SRGAP3: variants seen among roughly 807,000 people sequenced by gnomAD.
SRGAP3 encodes SLIT-ROBO Rho GTPase activating protein 3.
In SRGAP3, 39 loss-of-function variants were observed where a neutral mutation model predicts 121.1. That is an observed-to-expected ratio of 0.32 (90% CI 0.25 to 0.42). The LOEUF (loss-of-function observed/expected upper bound fraction) is 0.42, where lower values mean the gene tolerates loss of function less well. Ranked by LOEUF, SRGAP3 falls within the 10% of genes least tolerant of loss-of-function variation. SRGAP3 has a pLI of 1.00. For synonymous variants in SRGAP3, 601 were observed against 570.0 expected, an observed-to-expected ratio of 1.05 and a Z score of -0.77; for missense variants, 1,213 against 1,470.6, an observed-to-expected ratio of 0.82 and a Z score of 2.86.
intron 1 of SRGAP3, among the ~76,000 whole-genome samples, chr3:9,344,450 C>CA (rs1483744738): frequency 1.3e-5 from 2 of 151,134 alleles, no homozygotes; most frequent in African/African-American, 4.9e-5. Context: ...GACTCCGTCT[C>CA]AAAAAAAACC....
At chr3:9,308,231 C>T (rs898085636) in intron 3 of SRGAP3, among the ~76,000 whole-genome samples, 7 of 152,202 alleles carry the variant, frequency 4.6e-5, no homozygotes, top group Non-Finnish European at 2.9e-5. Context: ...GAAGCATGTT[C>T]ATGAACACAT....
chr3:9,262,534 C>CAAAAAAAAA (rs765408588), intron 3 of SRGAP3, among the ~76,000 whole-genome samples: 13 of 25,568 alleles, frequency 5.1e-4, no homozygotes, highest in East Asian at 1.1e-3. Context: ...AAATGGAAAG[C>CAAAAAAAAA]AAAAAAAAAA....
chr3:9,115,242 G>A (rs111682612), intron 2 of SRGAP3, among the ~76,000 whole-genome samples: 70 of 152,182 alleles, frequency 4.6e-4, no homozygotes, highest in Admixed American at 5.2e-4. Flanking sequence ...GATTTAAGCA[G>A]CTAAGGGCTG....
chr3:9,315,135 C>T (rs1199460842), intron 3 of SRGAP3, among the ~76,000 whole-genome samples: 1 of 152,190 alleles, frequency 6.6e-6, no homozygotes, highest in African/African-American at 2.4e-5. Context: ...TCCACCTCTC[C>T]AGTCTATCTT....
At chr3:9,282,048 TCCTA>T (rs1397663135) in intron 3 of SRGAP3, among the ~76,000 whole-genome samples, 1 of 152,226 alleles carries the variant, frequency 6.6e-6, no homozygotes, top group Non-Finnish European at 1.5e-5. Flanking sequence ...TAATCCATAA[TCCTA>T]CCTCTTTCCA....
intron 21 of SRGAP3, among the ~76,000 whole-genome samples, chr3:8,989,523 G>C (rs550595208): frequency 9.9e-5 from 15 of 152,220 alleles, no homozygotes; most frequent in Non-Finnish European, 1.6e-4. Context: ...CGATTCAAAG[G>C]CTACTCTCCA....
At chr3:9,180,883 C>G (rs1951373903) in intron 1 of SRGAP3, among the ~76,000 whole-genome samples, 1 of 152,150 alleles carries the variant, frequency 6.6e-6, no homozygotes, top group Non-Finnish European at 1.5e-5. Flanking sequence ...CATCCGCCGG[C>G]TTCACTCAGT....
chr3:9,188,900 T>C (rs1429173695), intron 1 of SRGAP3, among the ~76,000 whole-genome samples: 1 of 152,210 alleles, frequency 6.6e-6, no homozygotes, highest in Non-Finnish European at 1.5e-5. Context: ...CTCTTTACAT[T>C]ATTAAAGAAA....
chr3:9,254,780 CA>C (rs1483579251), intron 3 of SRGAP3, among the ~76,000 whole-genome samples: 2 of 132,860 alleles, frequency 1.5e-5, no homozygotes, highest in Non-Finnish European at 3.2e-5. Flanking sequence ...CCAGCCTGGG[CA>C]ACAGAGCAAG....
At chr3:9,345,117 ACTT>A (rs571265530) in intron 1 of SRGAP3, among the ~76,000 whole-genome samples, 134 of 152,322 alleles carry the variant, frequency 8.8e-4, no homozygotes, top group African/African-American at 3.1e-3. Context: ...CTTATCCAAT[ACTT>A]CTACCAGTAG....
chr3:8,993,800 A>G (rs1942221856), intron 19 of SRGAP3, among the ~76,000 whole-genome samples: 1 of 152,218 alleles, frequency 6.6e-6, no homozygotes, highest in African/African-American at 2.4e-5. Context: ...CTCCCAAGGA[A>G]GGTGTGCACT....
At chr3:9,119,983 A>T (rs1948944438) in intron 2 of SRGAP3, among the ~76,000 whole-genome samples, 1 of 152,254 alleles carries the variant, frequency 6.6e-6, no homozygotes, top group Admixed American at 6.5e-5. Context: ...TTAAATCACA[A>T]GGTACACTAA....
At position 9,015,610 on chromosome 3, in the gene SRGAP3, C is replaced by T. The variant is rs537531164; in HGVS notation, c.1800G>A (p.Leu600=). 2 of 1,614,150 alleles carry T rather than the reference C, an allele frequency of 1.2e-6. No homozygotes were observed. The highest frequency in any genetic ancestry group is 2.2e-5 in the South Asian group (2 of 91,080). The change falls in exon 15 of 22, where the codon TTG becomes TTA. Residue 600 remains leucine, a synonymous_variant. Transcript: ENST00000383836. ...PLFPKERFQD[L]ISTIKLENPA... ...GGAAATACTTACTAATAGTAGATAT[C>T]AAATCTTGAAACCTTTCCTTAGGAA...
chr3:9,049,027 C>A (rs1945425204), intron 9 of SRGAP3, among the ~76,000 whole-genome samples: 2 of 152,090 alleles, frequency 1.3e-5, no homozygotes, highest in African/African-American at 4.8e-5. Flanking sequence ...GATGTGCCTG[C>A]CCCAAATCCA....
At chr3:9,159,839 G>A (rs762923467) in intron 1 of SRGAP3, among the ~76,000 whole-genome samples, 5 of 152,074 alleles carry the variant, frequency 3.3e-5, no homozygotes, top group Middle Eastern at 3.2e-3. Flanking sequence ...CACCCTGCCC[G>A]TTATTTTTTT....
intron 1 of SRGAP3, among the ~76,000 whole-genome samples, chr3:9,151,793 A>T (rs1331909990): frequency 1.3e-5 from 2 of 152,190 alleles, no homozygotes; most frequent in Non-Finnish European, 2.9e-5. Flanking sequence ...AGCTCAAGGG[A>T]GAGCCGAAGT....
chr3:9,352,215 G>GA (rs1381482317), intron 1 of SRGAP3, among the ~76,000 whole-genome samples: 1 of 151,372 alleles, frequency 6.6e-6, no homozygotes, highest in Non-Finnish European at 1.5e-5. Context: ...CCAATCTGCA[G>GA]ATTGTTTTTT....
chr3:9,105,553 T>G (rs1351968261), intron 2 of SRGAP3, among the ~76,000 whole-genome samples: 1 of 152,188 alleles, frequency 6.6e-6, no homozygotes, highest in African/African-American at 2.4e-5. Flanking sequence ...GAGCATGACC[T>G]GGGGACTGGT....
At chr3:9,279,487 G>C (rs1416394086) in intron 3 of SRGAP3, among the ~76,000 whole-genome samples, 1 of 151,616 alleles carries the variant, frequency 6.6e-6, no homozygotes, top group Non-Finnish European at 1.5e-5. Context: ...TCAGTCCAAC[G>C]GGAAGCAAAA....
Sources: gnomAD v4.1 joint callset for allele counts (sites outside exome capture counted in the v4.1 genomes callset) on GRCh38, gnomAD v4.1.1 for gene constraint, MANE v1.5 for transcripts, NCBI Gene and HGNC (gene_info 2026-07-23, HGNC 2026-07-21) for gene names.